Variants in SPIN1 observed in about 807,000 individuals in gnomAD.
SPIN1 encodes spindlin 1.
In SPIN1, 3 loss-of-function variants were observed where a neutral mutation model predicts 26.0. The ratio of observed to expected loss-of-function variants is 0.12; its 90% confidence interval spans 0.05 to 0.30. The LOEUF (loss-of-function observed/expected upper bound fraction) is 0.30, where lower values mean the gene tolerates loss of function less well. SPIN1 is among the 10% of genes least tolerant of loss of function. SPIN1 has a pLI of 1.00. For missense variants in SPIN1, 126 were observed against 333.4 expected (o/e 0.38, Z 4.84); for synonymous variants, 101 against 116.5 (o/e 0.87, Z 0.86).
chr9:88,440,434 C>T (rs1397635308), intron 2 of SPIN1, among the ~76,000 whole-genome samples: 6 of 152,354 alleles, frequency 3.9e-5, no homozygotes, highest in African/African-American at 9.6e-5. Context: ...GCTGGGATTA[C>T]GGGCGTGAGC....
At position 88,477,772 on chromosome 9, in the gene SPIN1, C is replaced by T. The variant is rs2118252426; in HGVS notation, c.*2495C>T. 6.6e-6 allele frequency: 1 copy of T among 152,652 alleles called. No individual in the cohort carries two copies. The highest frequency in any genetic ancestry group is 1.5e-5 in the Non-Finnish European group (1 of 68,022). The allele number at this position is 152,652 out of a possible 1,614,324, so 9.5% of individuals were successfully genotyped here. A position where few individuals can be genotyped will look rare whatever the true frequency, so the allele number is the denominator to read the frequency against. On this transcript the variant is annotated 3_prime_UTR_variant, in exon 6 of 6. Coordinates refer to ENST00000375859, the MANE Select transcript of SPIN1 (RefSeq NM_006717.3). ...AAGTATCATGGGACTTGTGACAATA[C>T]AAGACATGAATCTATGTATAAAATT...
At position 88,468,655 on chromosome 9, in the gene SPIN1, A is replaced by AC. The variant is rs760022466; in HGVS notation, c.589+51dup. On this transcript the variant is annotated intron_variant, in intron 5 of 5. Coordinates refer to ENST00000375859, the MANE Select transcript of SPIN1 (RefSeq NM_006717.3). Reference sequence around the variant, plus strand: ...TATGTGATAATTAGAAGGGATTTGGACTTCAGTACAAGATATTTGATTGGC... The same window carrying AC: ...TATGTGATAATTAGAAGGGATTTGGACCTTCAGTACAAGATATTTGATTGGC... 8.5e-6 allele frequency: 10 copies of AC among 1,169,940 alleles called. No homozygotes were observed. In the African/African-American group the frequency reaches 1.4e-4, roughly 17 times the overall value. The allele number at this position is 1,169,940 out of a possible 1,614,324, so 72.5% of individuals were successfully genotyped here.
At chr9:88,410,836 C>T in intron 1 of SPIN1, 1 of 920,242 alleles carries the variant, frequency 1.1e-6, no homozygotes, top group South Asian at 1.3e-5. Context: ...GTCATTCCCA[C>T]TGAAACCACC....
chr9:88,404,175 C>T (rs1827247805), intron 1 of SPIN1, among the ~76,000 whole-genome samples: 1 of 152,164 alleles, frequency 6.6e-6, no homozygotes, highest in South Asian at 2.1e-4. Flanking sequence ...AGGGCACTTA[C>T]CATGAATGGA....
At chr9:88,465,370 C>G (rs879548661) in intron 4 of SPIN1, among the ~76,000 whole-genome samples, 6 of 152,050 alleles carry the variant, frequency 3.9e-5, no homozygotes, top group Admixed American at 2.6e-4. Context: ...GTAGAACTAC[C>G]ATACTGTTTT....
chr9:88,397,491 C>T (rs1027956442), intron 1 of SPIN1, among the ~76,000 whole-genome samples: 1 of 152,064 alleles, frequency 6.6e-6, no homozygotes, highest in Non-Finnish European at 1.5e-5. Context: ...AACAGTTATT[C>T]CTGGTCTTTA....
At chr9:88,468,806 G>A (rs1828721033) in intron 5 of SPIN1, among the ~76,000 whole-genome samples, 1 of 152,020 alleles carries the variant, frequency 6.6e-6, no homozygotes, top group African/African-American at 2.4e-5. Flanking sequence ...AGTCAGTTCT[G>A]CTTGGCTTCT....
chr9:88,400,449 G>A (rs1827162874), intron 1 of SPIN1, among the ~76,000 whole-genome samples: 1 of 152,180 alleles, frequency 6.6e-6, no homozygotes, highest in Non-Finnish European at 1.5e-5. Context: ...ACTCTTAACA[G>A]TTGGGTTAAT....
chr9:88,390,170 T>C (rs2119020276), intron 1 of SPIN1, among the ~76,000 whole-genome samples: 1 of 152,328 alleles, frequency 6.6e-6, no homozygotes, highest in East Asian at 1.9e-4. Context: ...ACTATATGTC[T>C]TCAGTCATCT....
At chr9:88,469,604 TC>T (rs151279366) in intron 5 of SPIN1, among the ~76,000 whole-genome samples, 35,690 of 152,100 alleles carry the variant, frequency 0.23, 6,682 homozygotes, top group African/African-American at 0.52. Flanking sequence ...AACCTCCGCC[TC>T]CCACGCTCAA....
At chr9:88,419,295 C>G (rs1318369541) in intron 1 of SPIN1, among the ~76,000 whole-genome samples, 1 of 152,136 alleles carries the variant, frequency 6.6e-6, no homozygotes, top group Non-Finnish European at 1.5e-5. Context: ...TTTTTCCTGA[C>G]AAACCACTCA....
At chr9:88,458,617 C>T (rs535098430) in intron 3 of SPIN1, among the ~76,000 whole-genome samples, 42 of 152,158 alleles carry the variant, frequency 2.8e-4, no homozygotes, top group African/African-American at 9.6e-4. Flanking sequence ...TCATAGGTCA[C>T]GTTTATGTTG....
intron 2 of SPIN1, among the ~76,000 whole-genome samples, chr9:88,442,061 C>T (rs772127374): frequency 2.0e-5 from 3 of 150,742 alleles, no homozygotes; most frequent in Middle Eastern, 3.4e-3. Flanking sequence ...AAGCAGTTCT[C>T]CTGCCTCAGC....
intron 1 of SPIN1, among the ~76,000 whole-genome samples, chr9:88,420,897 C>A (rs994952562): frequency 2.0e-5 from 3 of 152,154 alleles, no homozygotes; most frequent in African/African-American, 7.2e-5. Context: ...GAATTATTTT[C>A]ACAGTTCTTT....
chr9:88,444,945 C>T (rs1220367153), intron 2 of SPIN1, among the ~76,000 whole-genome samples: 18 of 152,130 alleles, frequency 1.2e-4, no homozygotes, highest in East Asian at 1.9e-4. Context: ...CCGCCCGCCT[C>T]GGCCTCCCAA....
intron 5 of SPIN1, among the ~76,000 whole-genome samples, chr9:88,470,436 A>G (rs1828757373): frequency 6.6e-6 from 1 of 152,186 alleles, no homozygotes; most frequent in Admixed American, 6.6e-5. Flanking sequence ...TTCCAACAGC[A>G]GTGTATGAGA....
rs376435859 is a variant in SPIN1 at position 88,398,846 on chromosome 9, C to T, written c.-159+10308C>T. Reference sequence around the variant, plus strand: ...GCCTTGGCCTCCCTGGGATTACAGGCGTGAGCCACCGTGCCCGGCCTTGTT... The same window carrying T: ...GCCTTGGCCTCCCTGGGATTACAGGTGTGAGCCACCGTGCCCGGCCTTGTT... On this transcript the variant is annotated intron_variant, in intron 1 of 5. Transcript: ENST00000375859. 1.3e-3 allele frequency among the ~76,000 whole-genome samples: 202 copies of T among 152,058 alleles called. 1 individual carries two copies. The highest frequency in any genetic ancestry group is 4.6e-3 in the African/African-American group (190 of 41,518).
chr9:88,439,502 C>G (rs894181528), intron 2 of SPIN1, among the ~76,000 whole-genome samples: 5 of 152,072 alleles, frequency 3.3e-5, no homozygotes, highest in Admixed American at 6.6e-5. Flanking sequence ...AACTTGGGTC[C>G]CATTCCCAAG....
intron 1 of SPIN1, among the ~76,000 whole-genome samples, chr9:88,389,027 A>G (rs1404528519): frequency 6.7e-6 from 1 of 149,728 alleles, no homozygotes; most frequent in East Asian, 2.0e-4. Context: ...GAGGGGCGGG[A>G]CCCCGGCGCG....
Sources: gnomAD v4.1 joint callset for allele counts (sites outside exome capture counted in the v4.1 genomes callset) on GRCh38, gnomAD v4.1.1 for gene constraint, MANE v1.5 for transcripts, NCBI Gene and HGNC (gene_info 2026-07-23, HGNC 2026-07-21) for gene names.